Variants in UBR3 observed in about 807,000 individuals in gnomAD.
UBR3 encodes ubiquitin protein ligase E3 component n-recognin 3.
UBR3 carries 85 observed loss-of-function variants against 243.2 expected under a neutral mutation model. The observed-to-expected ratio is 0.35, with a 90% CI of 0.29 to 0.42. The LOEUF (loss-of-function observed/expected upper bound fraction) is 0.42. Among genes scored for constraint, UBR3 ranks in the 10% least tolerant of loss-of-function variants. UBR3 has a pLI of 1.00. For synonymous variants in UBR3, 748 were observed against 799.8 expected (o/e 0.94, Z 1.09); for missense variants, 1,686 against 2,300.8 (o/e 0.73, Z 5.47).
In UBR3 at chr2:170,055,577, T is replaced by C. The variant is rs567036461; in HGVS notation, c.4778T>C (p.Leu1593Pro). 108 of 1,612,828 alleles carry C rather than the reference T, an allele frequency of 6.7e-5. 1 individual carries two copies. The South Asian group carries it at 1.1e-3, about 16-fold the overall frequency. ...TCAGCCTGGAAACACGCGGGAGCTC[T>C]CAAAAAGGTTAGGCTCTTTCTAAAT... The part of the protein sequence containing the change: ...DRSAWKHAGA[L>P]KKSTCDAEKS... Residue 1593 changes from leucine to proline, a missense_variant, in exon 33 of 39, where the codon CTC becomes CCC. Coordinates refer to ENST00000272793, the MANE Select transcript of UBR3 (RefSeq NM_172070.4).
intron 6 of UBR3, among the ~76,000 whole-genome samples, chr2:169,893,264 A>G (rs1182598337): frequency 1.3e-5 from 2 of 152,202 alleles, no homozygotes; most frequent in Non-Finnish European, 2.9e-5. Context: ...CTTTCCTGGT[A>G]TATTCAGGTT....
chr2:169,921,595 G>A (rs927383548), intron 11 of UBR3, among the ~76,000 whole-genome samples: 5 of 152,032 alleles, frequency 3.3e-5, no homozygotes, highest in African/African-American at 4.8e-5. Flanking sequence ...CTTATTTCTC[G>A]CAGCTACTAA....
chr2:169,907,040 T>TC lies in UBR3; in HGVS notation c.1779+876_1779+877insC, dbSNP rs200705870. Among the ~76,000 whole-genome samples, 48 of 146,842 alleles carry TC rather than the reference T, an allele frequency of 3.3e-4. 1 individual carries two copies. The highest frequency in any genetic ancestry group is 4.2e-4 in the African/African-American group (17 of 40,106). On this transcript the variant is annotated intron_variant, in intron 10 of 38. Transcript: ENST00000272793. ...TTACTAGGTTCAAATTTCTTTCTTTTTTTTTTTTTTTTTTTTTTAGAGGGA... is the reference window on the plus strand; with the variant it reads ...TTACTAGGTTCAAATTTCTTTCTTTTCTTTTTTTTTTTTTTTTTTAGAGGGA...
chr2:169,837,616 A>AG (rs1009787294), intron 1 of UBR3, among the ~76,000 whole-genome samples: 3 of 152,290 alleles, frequency 2.0e-5, no homozygotes, highest in African/African-American at 4.8e-5. Flanking sequence ...ACAGAGCAGC[A>AG]GGGGGGGAGA....
chr2:169,878,486 G>A (rs2105314531), intron 4 of UBR3, 39 bp from the exon 5 acceptor site: 1 of 1,528,844 alleles, frequency 6.5e-7, no homozygotes, highest in Non-Finnish European at 8.8e-7. Flanking sequence ...GCAATATGTA[G>A]CAACTATGAA....
At chr2:169,896,851 C>A in intron 8 of UBR3, 116 bp downstream of exon 8, 2 of 688,470 alleles carry the variant, frequency 2.9e-6, no homozygotes, top group Non-Finnish European at 2.2e-6. Context: ...TATTATTAAT[C>A]ATATTCTAGT....
intron 11 of UBR3, among the ~76,000 whole-genome samples, chr2:169,914,866 GTGTGTGTT>G (rs2085396331): frequency 1.9e-5 from 1 of 51,664 alleles, no homozygotes; most frequent in African/African-American, 3.9e-5. Context: ...GTGTGTGTGT[GTGTGTGTT>G]TTTTTTCCTT....
At chr2:169,988,626 A>G (rs1036233468) in intron 25 of UBR3, among the ~76,000 whole-genome samples, 14 of 151,900 alleles carry the variant, frequency 9.2e-5, no homozygotes, top group African/African-American at 1.9e-4. Flanking sequence ...GCAACACAGT[A>G]AGACCCTGTC....
At chr2:170,033,882 A>C (rs529012117) in intron 31 of UBR3, among the ~76,000 whole-genome samples, 136 of 151,522 alleles carry the variant, frequency 9.0e-4, no homozygotes, top group Non-Finnish European at 2.4e-4. Flanking sequence ...ATTCCTATTA[A>C]CTCTTCCACC....
intron 23 of UBR3, among the ~76,000 whole-genome samples, chr2:169,950,878 G>T (rs1012412621): frequency 9.9e-5 from 15 of 150,944 alleles, no homozygotes; most frequent in Admixed American, 2.0e-4. Flanking sequence ...AAAGGGTTCA[G>T]TGTTTATTAA....
chr2:170,044,650 C>G (rs11684924), intron 32 of UBR3, among the ~76,000 whole-genome samples: 123,490 of 152,128 alleles, frequency 0.81, 51,567 homozygotes, highest in South Asian at 0.92. Flanking sequence ...AAGAAGAAAC[C>G]AAATTAACAC....
chr2:170,022,691 CATAAT>C (rs1259433081), intron 30 of UBR3, among the ~76,000 whole-genome samples: 2 of 152,164 alleles, frequency 1.3e-5, no homozygotes, highest in African/African-American at 4.8e-5. Flanking sequence ...AAGTATCTTA[CATAAT>C]ATGTTATTAT....
intron 1 of UBR3, among the ~76,000 whole-genome samples, chr2:169,840,867 A>G (rs2082266857): frequency 6.6e-6 from 1 of 152,112 alleles, no homozygotes; most frequent in Admixed American, 6.5e-5. Flanking sequence ...CACTTGAACT[A>G]CAGGTGGGGT....
intron 36 of UBR3, among the ~76,000 whole-genome samples, chr2:170,076,609 A>G (rs367900645): frequency 6.6e-6 from 1 of 152,238 alleles, no homozygotes; most frequent in African/African-American, 2.4e-5. Flanking sequence ...TTGCAAAGAT[A>G]TATGATACAG....
At chr2:169,983,252 C>CTTTTTTTTTTTTTTTTTTTTTT (rs72194627) in intron 24 of UBR3, among the ~76,000 whole-genome samples, 9 of 72,000 alleles carry the variant, frequency 1.3e-4, no homozygotes, top group African/African-American at 5.3e-4. Context: ...ATTCTCTCTC[C>CTTTTTTTTTTTTTTTTTTTTTT]TTTTTTTTTT....
At chr2:170,037,422 C>G (rs566611312) in intron 31 of UBR3, among the ~76,000 whole-genome samples, 6 of 152,116 alleles carry the variant, frequency 3.9e-5, no homozygotes, top group African/African-American at 1.4e-4. Flanking sequence ...GAGTCTTGCT[C>G]TGTTACCCAG....
At chr2:169,930,298 G>A (rs1477053984) in intron 18 of UBR3, among the ~76,000 whole-genome samples, 4 of 152,140 alleles carry the variant, frequency 2.6e-5, no homozygotes, top group African/African-American at 9.7e-5. Flanking sequence ...TGGGCATTCG[G>A]AGATTAGAGC....
chr2:169,953,171 C>G (rs964410314), intron 23 of UBR3, among the ~76,000 whole-genome samples: 1 of 152,056 alleles, frequency 6.6e-6, no homozygotes, highest in African/African-American at 2.4e-5. Flanking sequence ...ATTTTAAAGG[C>G]TTTCTTTGTG....
At chr2:169,855,219 T>G (rs1159502499) in intron 1 of UBR3, among the ~76,000 whole-genome samples, 1 of 152,234 alleles carries the variant, frequency 6.6e-6, no homozygotes, top group Non-Finnish European at 1.5e-5. Flanking sequence ...ATTTAATTAT[T>G]GGGTCAAATG....
Sources: gnomAD v4.1 joint callset for allele counts (sites outside exome capture counted in the v4.1 genomes callset) on GRCh38, gnomAD v4.1.1 for gene constraint, MANE v1.5 for transcripts, NCBI Gene and HGNC (gene_info 2026-07-23, HGNC 2026-07-21) for gene names.